The following ANO2 variants were observed in gnomAD, a reference collection of about 807,000 sequenced individuals.
The protein encoded by ANO2 is anoctamin-2.
In ANO2, 101 loss-of-function variants were observed where a neutral mutation model predicts 124.2. That is an observed-to-expected ratio of 0.81 (90% CI 0.69 to 0.96). The LOEUF is 0.96. Among genes scored for constraint, ANO2 ranks in the 40% least tolerant of loss-of-function variants. ANO2 has a pLI of 0.00. For synonymous variants in ANO2, 486 were observed against 482.5 expected, an observed-to-expected ratio of 1.01 and a Z score of -0.09; for missense variants, 1,293 against 1,274.5, an observed-to-expected ratio of 1.01 and a Z score of -0.22.
chr12:5,570,249 TAAA>T (rs1314720192), intron 23 of ANO2, among the ~76,000 whole-genome samples: 5 of 152,150 alleles, frequency 3.3e-5, no homozygotes, highest in African/African-American at 7.2e-5. Flanking sequence ...AACAATACCT[TAAA>T]AGTCCTACAA....
At chr12:5,734,975 C>T (rs1950798373) in intron 13 of ANO2, among the ~76,000 whole-genome samples, 1 of 152,184 alleles carries the variant, frequency 6.6e-6, no homozygotes, top group African/African-American at 2.4e-5. Context: ...TTAAAGCAAG[C>T]CTAGCTTCCT....
chr12:5,713,397 C>T (rs1330568027), intron 14 of ANO2, among the ~76,000 whole-genome samples: 1 of 152,116 alleles, frequency 6.6e-6, no homozygotes, highest in African/African-American at 2.4e-5. Context: ...ATGAGATAAA[C>T]TTTAGTGTTT....
At chr12:5,775,751 G>A (rs1952216719) in intron 10 of ANO2, among the ~76,000 whole-genome samples, 1 of 152,138 alleles carries the variant, frequency 6.6e-6, no homozygotes. Context: ...TTAGATGTGT[G>A]TCAGAACAAT....
chr12:5,588,296 A>G (rs903837044), intron 20 of ANO2, among the ~76,000 whole-genome samples: 2 of 151,906 alleles, frequency 1.3e-5, no homozygotes, highest in Non-Finnish European at 2.9e-5. Context: ...TTCGAAGTCC[A>G]AGACATGGGC....
intron 14 of ANO2, among the ~76,000 whole-genome samples, chr12:5,672,651 A>G (rs151309377): frequency 2.6e-5 from 4 of 152,324 alleles, no homozygotes; most frequent in African/African-American, 4.8e-5. Context: ...GTATGCACAC[A>G]TATTTTCACA....
chr12:5,615,306 G>C lies in ANO2; in HGVS notation c.1817-9C>G, dbSNP rs1240856432. 2.2e-5 allele frequency: 36 copies of C among 1,604,478 alleles called. No homozygotes were observed. The highest frequency in any genetic ancestry group is 3.4e-5 in the Admixed American group (2 of 59,202). On this transcript the variant is annotated splice_polypyrimidine_tract_variant and intron_variant, in intron 16 of 24. Transcript: ENST00000682330. ...TTCTGTTTTCGGAACCTCTGTAAGA[G>C]AAGAGCGAGGCTGATGAGATTGGGG... is the stretch of plus-strand genomic sequence containing the variant.
intron 23 of ANO2, among the ~76,000 whole-genome samples, chr12:5,569,017 C>T (rs988303936): frequency 2.6e-5 from 4 of 152,252 alleles, no homozygotes; most frequent in African/African-American, 9.6e-5. Flanking sequence ...TTATGGAATA[C>T]ACCTTTTCTG....
intron 4 of ANO2, among the ~76,000 whole-genome samples, chr12:5,848,371 A>G (rs1230382608): frequency 1.4e-5 from 2 of 145,568 alleles, no homozygotes; most frequent in Non-Finnish European, 3.0e-5. Flanking sequence ...CCCCCTCCCC[A>G]GTTACATGAT....
At chr12:5,916,165 T>C (rs1293427993) in intron 3 of ANO2, among the ~76,000 whole-genome samples, 1 of 152,042 alleles carries the variant, frequency 6.6e-6, no homozygotes, top group Non-Finnish European at 1.5e-5. Flanking sequence ...TGGTCCCAGC[T>C]ACTCAGGAGG....
chr12:5,926,323 C>T lies in ANO2; in HGVS notation c.23-3519G>A, dbSNP rs553089210. Among the ~76,000 whole-genome samples the T allele has an allele frequency of 3.3e-5, 5 of 152,340 alleles. No homozygotes were observed. The East Asian group carries it at 9.6e-4, about 29-fold the overall frequency. On this transcript the variant is annotated intron_variant, in intron 1 of 24. Transcript: ENST00000682330. ...GGACGGCGATGCCCTCCTAACAGAT[C>T]TCCCTGCTCCCTGTCCCTGTTCCCC...
intron 10 of ANO2, among the ~76,000 whole-genome samples, chr12:5,780,452 C>T (rs1407575765): frequency 6.6e-6 from 1 of 152,124 alleles, no homozygotes; most frequent in Admixed American, 6.6e-5. Context: ...ATTTGATCTG[C>T]GCCCTGGCCT....
chr12:5,830,294 T>G, intron 6 of ANO2, 141 bp downstream of exon 6: 1 of 788,346 alleles, frequency 1.3e-6, no homozygotes, highest in Non-Finnish European at 2.0e-6. Context: ...GGGGAAGCTC[T>G]TGCATACTCT....
intron 1 of ANO2, among the ~76,000 whole-genome samples, chr12:5,930,270 G>T (rs1942300002): frequency 6.6e-6 from 1 of 152,212 alleles, no homozygotes; most frequent in Non-Finnish European, 1.5e-5. Context: ...TACCTGGGAA[G>T]TTAAATGGGT....
At chr12:5,569,056 G>A (rs1203449577) in intron 23 of ANO2, among the ~76,000 whole-genome samples, 1 of 152,214 alleles carries the variant, frequency 6.6e-6, no homozygotes, top group African/African-American at 2.4e-5. Flanking sequence ...TGTAGATCAC[G>A]GCTTCCAGTT....
intron 14 of ANO2, among the ~76,000 whole-genome samples, chr12:5,665,885 G>C (rs1032266634): frequency 5.3e-4 from 80 of 152,048 alleles, no homozygotes; most frequent in African/African-American, 1.8e-3. Flanking sequence ...CCACTGGCTG[G>C]GGGATTTTTT....
At chr12:5,693,448 G>A (rs960215630) in intron 14 of ANO2, among the ~76,000 whole-genome samples, 6 of 151,968 alleles carry the variant, frequency 3.9e-5, no homozygotes, top group Non-Finnish European at 5.9e-5. Context: ...CCTAGTTTGC[G>A]CCACTGTCAC....
At chr12:5,730,007 G>A (rs889250659) in intron 14 of ANO2, among the ~76,000 whole-genome samples, 3 of 152,152 alleles carry the variant, frequency 2.0e-5, no homozygotes, top group Non-Finnish European at 2.9e-5. Context: ...CAACTATTGG[G>A]TACAGGGTTT....
chr12:5,650,692 C>A (rs1295943509), intron 14 of ANO2, among the ~76,000 whole-genome samples: 4 of 152,138 alleles, frequency 2.6e-5, no homozygotes, highest in African/African-American at 9.7e-5. Context: ...GCTTAAAAAT[C>A]CTATAGCCAG....
chr12:5,897,153 T>C (rs1385281731), intron 3 of ANO2, among the ~76,000 whole-genome samples: 1 of 151,120 alleles, frequency 6.6e-6, no homozygotes, highest in Non-Finnish European at 1.5e-5. Flanking sequence ...AAGAAAAAAA[T>C]AAATAAAAAA....
Sources: allele counts gnomAD v4.1 joint callset (sites outside exome capture counted in the v4.1 genomes callset), GRCh38; gene constraint gnomAD v4.1.1; transcripts MANE v1.5; gene names NCBI Gene and HGNC (gene_info 2026-07-23, HGNC 2026-07-21).